Variants in GALNT13 observed in about 807,000 individuals in gnomAD.
GALNT13 encodes UDP-GalNAc:polypeptide N-acetylgalactosaminyltransferase 13.
Under a neutral mutation model 64.2 loss-of-function variants are expected in GALNT13, and 28 were observed. The observed-to-expected ratio is 0.44, with a 90% CI of 0.32 to 0.60. The LOEUF (loss-of-function observed/expected upper bound fraction) is 0.60, where lower values mean the gene tolerates loss of function less well. GALNT13 is among the 20% of genes least tolerant of loss of function. The pLI is 0.05. For missense variants in GALNT13, 577 were observed against 669.8 expected, an observed-to-expected ratio of 0.86 and a Z score of 1.53; for synonymous variants, 214 against 224.6, an observed-to-expected ratio of 0.95 and a Z score of 0.42.
At chr2:154,146,558 G>A (rs1030309451) in intron 4 of GALNT13, among the ~76,000 whole-genome samples, 1 of 151,948 alleles carries the variant, frequency 6.6e-6, no homozygotes, top group Non-Finnish European at 1.5e-5. Context: ...TGCGAATTTA[G>A]CATAAAGATC....
At chr2:153,281,942 T>C in the GALNT13 span, among the ~76,000 whole-genome samples, 1 of 152,110 alleles carries the variant, frequency 6.6e-6, no homozygotes, top group African/African-American at 2.4e-5. Flanking sequence ...TTTGGATGTT[T>C]ACCTGTCTAG....
At chr2:153,759,378 T>C in the GALNT13 span, among the ~76,000 whole-genome samples, 2 of 152,204 alleles carry the variant, frequency 1.3e-5, no homozygotes, top group Non-Finnish European at 2.9e-5. Flanking sequence ...TCATGTCTTG[T>C]TTCTGATCTT....
At chr2:153,184,593 G>T in the GALNT13 span, among the ~76,000 whole-genome samples, 1 of 152,148 alleles carries the variant, frequency 6.6e-6, no homozygotes, top group Non-Finnish European at 1.5e-5. Flanking sequence ...TACGATGTTG[G>T]TTGTGGGTTT....
chr2:154,438,508 T>A (rs1159999301), intron 11 of GALNT13, 84 bp from the exon 12 acceptor site: 1 of 929,774 alleles, frequency 1.1e-6, no homozygotes, highest in Admixed American at 2.3e-5. Context: ...GTTTATCTGA[T>A]ACGAAAGCTT....
the GALNT13 span, among the ~76,000 whole-genome samples, chr2:153,096,063 A>C: frequency 6.6e-5 from 10 of 151,888 alleles, no homozygotes; most frequent in African/African-American, 2.4e-4. Context: ...AAATAAATAA[A>C]TATAATTAGC....
chr2:154,024,443 C>T lies in GALNT13; in HGVS notation c.142+79804C>T, dbSNP rs186906503. Among the ~76,000 whole-genome samples, 373 of 152,184 alleles carry T rather than the reference C, an allele frequency of 2.5e-3. 1 individual carries two copies. Among genetic ancestry groups the T allele is most frequent in the African/African-American group, 8.0e-3 (331 of 41,516 alleles). ...CCTTCTCGCTTCATTTCATTTATTTCGTCTTCCATCACTGATACCCTTTCT... is the reference window on the plus strand; with the variant it reads ...CCTTCTCGCTTCATTTCATTTATTTTGTCTTCCATCACTGATACCCTTTCT... On this transcript the variant is annotated intron_variant, in intron 3 of 12. Coordinates refer to ENST00000392825, the MANE Select transcript of GALNT13 (RefSeq NM_052917.4).
At chr2:154,411,016 T>A (rs1033539742) in intron 11 of GALNT13, among the ~76,000 whole-genome samples, 5 of 151,880 alleles carry the variant, frequency 3.3e-5, no homozygotes, top group Non-Finnish European at 5.9e-5. Context: ...CCTGCTGCAG[T>A]CTTGGAACAT....
chr2:154,167,217 A>G (rs1685081980), intron 4 of GALNT13, among the ~76,000 whole-genome samples: 1 of 152,192 alleles, frequency 6.6e-6, no homozygotes, highest in Non-Finnish European at 1.5e-5. Flanking sequence ...AGATCCTGTA[A>G]TTGCAAATAT....
chr2:154,052,819 C>T (rs555406430), intron 3 of GALNT13, among the ~76,000 whole-genome samples: 1 of 150,764 alleles, frequency 6.6e-6, no homozygotes, highest in South Asian at 2.1e-4. Flanking sequence ...TCACTGCAAG[C>T]TCCGCCTCCC....
chr2:154,333,288 T>C (rs1236764403), intron 9 of GALNT13, among the ~76,000 whole-genome samples: 1 of 152,058 alleles, frequency 6.6e-6, no homozygotes, highest in Admixed American at 6.6e-5. Context: ...TGTATACATA[T>C]ATGTAAAAAA....
intron 2 of GALNT13, chr2:153,926,370 C>G (rs1690137981): frequency 6.6e-6 from 1 of 151,942 alleles, no homozygotes; most frequent in Admixed American, 6.6e-5. Flanking sequence ...TAAATAATCA[C>G]TTTTAAATAT....
intron 1 of GALNT13, among the ~76,000 whole-genome samples, chr2:153,875,888 A>G (rs1239828015): frequency 6.6e-6 from 1 of 152,062 alleles, no homozygotes; most frequent in African/African-American, 2.4e-5. Flanking sequence ...TTAAAGAGAA[A>G]CCTCTTGCAA....
chr2:154,445,313 A>G (rs577013831), intron 12 of GALNT13, among the ~76,000 whole-genome samples: 2 of 152,042 alleles, frequency 1.3e-5, no homozygotes, highest in East Asian at 3.9e-4. Flanking sequence ...TCCAGAGGAT[A>G]AGCAAAATCA....
chr2:153,913,277 A>G (rs960120397), intron 2 of GALNT13, among the ~76,000 whole-genome samples: 20 of 152,096 alleles, frequency 1.3e-4, no homozygotes, highest in African/African-American at 4.1e-4. Context: ...GACAATGGCA[A>G]TGTGACAGGT....
the GALNT13 span, among the ~76,000 whole-genome samples, chr2:153,621,474 A>G: frequency 6.6e-6 from 1 of 152,140 alleles, no homozygotes; most frequent in African/African-American, 2.4e-5. Flanking sequence ...TCACTCAAGT[A>G]ACTGGAACTC....
chr2:154,266,675 T>G (rs563180125), intron 8 of GALNT13, among the ~76,000 whole-genome samples: 1 of 152,026 alleles, frequency 6.6e-6, no homozygotes, highest in African/African-American at 2.4e-5. Flanking sequence ...AAGATGACAA[T>G]TCTCCCTCAG....
In GALNT13 at chr2:153,913,257, A is replaced by G. The variant is rs904475861; in HGVS notation, c.-105+12250A>G. 7.9e-5 allele frequency among the ~76,000 whole-genome samples: 12 copies of G among 152,120 alleles called. 1 individual carries two copies. The highest frequency in any genetic ancestry group is 4.1e-4 in the South Asian group (2 of 4,832). On this transcript the variant is annotated intron_variant, in intron 2 of 12. Coordinates refer to ENST00000392825, the MANE Select transcript of GALNT13 (RefSeq NM_052917.4). ...GGGCAGGCGGCTTTCATGCCTGCCAATGCTCTGAGGACAATGGCAATGTGA... is the reference window on the plus strand; with the variant it reads ...GGGCAGGCGGCTTTCATGCCTGCCAGTGCTCTGAGGACAATGGCAATGTGA...
chr2:154,156,857 C>T (rs1027503057), intron 4 of GALNT13, among the ~76,000 whole-genome samples: 2 of 152,046 alleles, frequency 1.3e-5, no homozygotes, highest in African/African-American at 4.8e-5. Context: ...AGACAAAAGT[C>T]CTTTATTATT....
intron 3 of GALNT13, among the ~76,000 whole-genome samples, chr2:154,106,046 G>A (rs1702597673): frequency 6.6e-6 from 1 of 152,076 alleles, no homozygotes; most frequent in Non-Finnish European, 1.5e-5. Context: ...TCCCCTTTCA[G>A]TGCTATTTTG....
Sources: allele counts gnomAD v4.1 joint callset (sites outside exome capture counted in the v4.1 genomes callset), GRCh38; gene constraint gnomAD v4.1.1; transcripts MANE v1.5; gene names NCBI Gene and HGNC (gene_info 2026-07-23, HGNC 2026-07-21).